Variants in RANBP2 observed in about 807,000 individuals in gnomAD.
RANBP2 encodes the protein E3 SUMO-protein ligase RanBP2.
A neutral mutation model predicts 303.6 loss-of-function variants in RANBP2; 57 were observed. The observed-to-expected ratio is 0.19, with a 90% CI of 0.15 to 0.23. RANBP2 has a LOEUF of 0.23. Among genes scored for constraint, RANBP2 ranks in the 10% least tolerant of loss-of-function variants. RANBP2 has a pLI of 1.00. For synonymous variants in RANBP2, 1,167 were observed against 1,301.5 expected (o/e 0.90, Z 2.23); for missense variants, 3,138 against 3,780.8 (o/e 0.83, Z 4.46).
chr2:109,265,041 T>C, the RANBP2 span, among the ~76,000 whole-genome samples: 57 of 152,372 alleles, frequency 3.7e-4, no homozygotes, highest in Non-Finnish European at 5.6e-4. Context: ...CCAGCTCTTG[T>C]GGACCGCAGT....
At chr2:109,193,705 A>C in the RANBP2 span, among the ~76,000 whole-genome samples, 1 of 152,218 alleles carries the variant, frequency 6.6e-6, no homozygotes, top group Admixed American at 6.5e-5. Context: ...TAGAAAGATC[A>C]GTATGTAGTA....
At chr2:109,624,867 G>A in the RANBP2 span, among the ~76,000 whole-genome samples, 1 of 151,960 alleles carries the variant, frequency 6.6e-6, no homozygotes, top group Non-Finnish European at 1.5e-5. Flanking sequence ...GATCACCTGA[G>A]GTCAGGAGTT....
the RANBP2 span, among the ~76,000 whole-genome samples, chr2:109,539,115 T>G: frequency 6.6e-6 from 1 of 151,868 alleles, no homozygotes; most frequent in Non-Finnish European, 1.5e-5. Flanking sequence ...CTGACCAATA[T>G]GGTGAAACCC....
the RANBP2 span, among the ~76,000 whole-genome samples, chr2:109,219,966 C>A: frequency 6.6e-6 from 1 of 152,196 alleles, no homozygotes; most frequent in East Asian, 1.9e-4. Context: ...CCCAAATAAC[C>A]AAAACAATCT....
At chr2:109,263,008 A>T in the RANBP2 span, among the ~76,000 whole-genome samples, 1 of 149,628 alleles carries the variant, frequency 6.7e-6, no homozygotes, top group African/African-American at 2.5e-5. Flanking sequence ...CGTTTTTTGT[A>T]TTTTTTTTTG....
At chr2:109,538,650 C>T in the RANBP2 span, among the ~76,000 whole-genome samples, 1 of 152,172 alleles carries the variant, frequency 6.6e-6, no homozygotes, top group East Asian at 1.9e-4. Flanking sequence ...CTCTGAGTAG[C>T]TGAGATTACA....
the RANBP2 span, among the ~76,000 whole-genome samples, chr2:109,231,441 G>A: frequency 6.6e-6 from 1 of 152,178 alleles, no homozygotes; most frequent in Non-Finnish European, 1.5e-5. Context: ...TGCTTTTCTC[G>A]TGCAGACCAA....
At chr2:109,179,879 A>T in the RANBP2 span, among the ~76,000 whole-genome samples, 1 of 152,202 alleles carries the variant, frequency 6.6e-6, no homozygotes, top group Non-Finnish European at 1.5e-5. Context: ...AGTGCTCCTT[A>T]TCGCAGGAAA....
chr2:109,020,688 G>A, the RANBP2 span, among the ~76,000 whole-genome samples: 3 of 152,262 alleles, frequency 2.0e-5, no homozygotes, highest in Non-Finnish European at 2.9e-5. Flanking sequence ...CTGCCTGAGT[G>A]CAGGTCAAAG....
At chr2:109,716,246 T>A in the RANBP2 span, among the ~76,000 whole-genome samples, 2 of 151,980 alleles carry the variant, frequency 1.3e-5, no homozygotes, top group African/African-American at 4.8e-5. Flanking sequence ...TTTTATTTTT[T>A]TTAAAAAAAA....
the RANBP2 span, among the ~76,000 whole-genome samples, chr2:109,255,337 C>CT: frequency 2.6e-5 from 4 of 152,198 alleles, no homozygotes; most frequent in East Asian, 3.9e-4. Flanking sequence ...TAAAGCTACT[C>CT]TAAGAATACA....
chr2:109,119,899 T>G, the RANBP2 span, among the ~76,000 whole-genome samples: 1 of 152,378 alleles, frequency 6.6e-6, no homozygotes, highest in African/African-American at 2.4e-5. Flanking sequence ...TGCCATTGTT[T>G]ATGAAGATTT....
the RANBP2 span, among the ~76,000 whole-genome samples, chr2:109,733,357 G>A: frequency 6.6e-6 from 1 of 152,124 alleles, no homozygotes; most frequent in African/African-American, 2.4e-5. Flanking sequence ...CATGGAAAAA[G>A]CATTTGAGGA....
chr2:109,062,069 T>C, the RANBP2 span, among the ~76,000 whole-genome samples: 1 of 152,176 alleles, frequency 6.6e-6, no homozygotes, highest in Admixed American at 6.5e-5. Flanking sequence ...GCAGAATGGC[T>C]GGGCAGGGCC....
At chr2:109,463,585 C>T in the RANBP2 span, among the ~76,000 whole-genome samples, 1 of 152,204 alleles carries the variant, frequency 6.6e-6, no homozygotes, top group African/African-American at 2.4e-5. Context: ...CTTCCAATTT[C>T]TGATTATTGT....
chr2:109,477,742 C>T, the RANBP2 span, among the ~76,000 whole-genome samples: 3 of 152,098 alleles, frequency 2.0e-5, no homozygotes, highest in Non-Finnish European at 4.4e-5. Context: ...TGAGGACTGG[C>T]TTCCTGGTTC....
chr2:109,588,448 G>A, the RANBP2 span, among the ~76,000 whole-genome samples: 2 of 152,116 alleles, frequency 1.3e-5, no homozygotes, highest in Non-Finnish European at 2.9e-5. Context: ...CAGGAGGACT[G>A]AAGGAATATT....
chr2:109,496,786 A>G, the RANBP2 span, among the ~76,000 whole-genome samples: 2 of 151,962 alleles, frequency 1.3e-5, no homozygotes, highest in African/African-American at 2.4e-5. Context: ...GCAAAGAGAA[A>G]TCAGGTTGCA....
chr2:109,513,989 T>G, the RANBP2 span, among the ~76,000 whole-genome samples: 1 of 152,064 alleles, frequency 6.6e-6, no homozygotes, highest in Non-Finnish European at 1.5e-5. Context: ...GGCCTTCTGG[T>G]CCCCAGTGAG....
Sources: gnomAD v4.1 joint callset for allele counts (sites outside exome capture counted in the v4.1 genomes callset) on GRCh38, gnomAD v4.1.1 for gene constraint, MANE v1.5 for transcripts, NCBI Gene and HGNC (gene_info 2026-07-23, HGNC 2026-07-21) for gene names.